The following PCDHA4 variants were observed in gnomAD, a reference collection of about 807,000 sequenced individuals.
The protein encoded by PCDHA4 is protocadherin alpha-4.
In PCDHA4, 49 loss-of-function variants were observed where a neutral mutation model predicts 61.4. That is an observed-to-expected ratio of 0.80 (90% confidence interval 0.63 to 1.01). The LOEUF (loss-of-function observed/expected upper bound fraction) is 1.01. PCDHA4 is among the 50% of genes least tolerant of loss of function. PCDHA4 has a pLI of 0.00. For missense variants in PCDHA4, 1,254 were observed against 1,235.8 expected (o/e 1.01, Z -0.22); for synonymous variants, 590 against 550.3 (o/e 1.07, Z -1.01).
chr5:140,993,446 TCTC>T (rs1262965335), intron 3 of PCDHA4, among the ~76,000 whole-genome samples: 4 of 146,376 alleles, frequency 2.7e-5, no homozygotes, highest in Non-Finnish European at 6.0e-5. Flanking sequence ...TCATTCCTGT[TCTC>T]CTTCTTTCTT....
At chr5:141,003,467 A>G (rs1262411574) in intron 3 of PCDHA4, among the ~76,000 whole-genome samples, 1 of 152,036 alleles carries the variant, frequency 6.6e-6, no homozygotes, top group Non-Finnish European at 1.5e-5. Context: ...GTGCACCACC[A>G]CAGTCTCGCT....
chr5:140,898,067 T>C (rs2066506598), intron 1 of PCDHA4, among the ~76,000 whole-genome samples: 1 of 152,122 alleles, frequency 6.6e-6, no homozygotes, highest in Admixed American at 6.5e-5. Context: ...TTGTTTGAGT[T>C]CATTGTAGAT....
chr5:140,922,098 A>G (rs1193331436), intron 1 of PCDHA4, among the ~76,000 whole-genome samples: 2 of 152,176 alleles, frequency 1.3e-5, no homozygotes, highest in Non-Finnish European at 2.9e-5. Context: ...TCTACCAACT[A>G]TAGATAAATG....
At chr5:140,881,563 T>C (rs894982822) in intron 1 of PCDHA4, among the ~76,000 whole-genome samples, 4 of 152,232 alleles carry the variant, frequency 2.6e-5, no homozygotes, top group Non-Finnish European at 5.9e-5. Flanking sequence ...AAATATCTTA[T>C]CTACATCTCA....
chr5:140,875,655 G>C, intron 1 of PCDHA4: 1 of 1,613,724 alleles, frequency 6.2e-7, no homozygotes, highest in Middle Eastern at 1.7e-4. Context: ...AGCTGGTGCC[G>C]CGCCTGTTCC....
chr5:140,874,557 G>T (rs782715249), intron 1 of PCDHA4, among the ~76,000 whole-genome samples: 3 of 152,146 alleles, frequency 2.0e-5, no homozygotes, highest in African/African-American at 7.2e-5. Flanking sequence ...GAGATCTTTC[G>T]CATTTTAGTG....
chr5:140,856,518 C>T, intron 1 of PCDHA4: 1 of 1,598,510 alleles, frequency 6.3e-7, no homozygotes, highest in Non-Finnish European at 8.6e-7. Flanking sequence ...GAAGGCGCAT[C>T]TGATGCGGAT....
In PCDHA4 at chr5:140,857,359, G is replaced by C. The variant is rs200721411; in HGVS notation, c.2385+47787G>C. 31 of 1,598,398 alleles carry C rather than the reference G, an allele frequency of 1.9e-5. 2 individuals carry two copies. In the African/African-American group the frequency reaches 2.4e-4, roughly 12 times the overall value. The stretch of plus-strand genomic sequence containing the variant: ...GGGGCTCGCCTCCGCTGTGGGCCAC[G>C]GCCAGCGTGTCTGTGGAGGTGGCCG... On this transcript the variant is annotated intron_variant, in intron 1 of 3. Transcript: ENST00000530339.
At chr5:140,829,399 G>A in intron 1 of PCDHA4, 2 of 1,614,074 alleles carry the variant, frequency 1.2e-6, no homozygotes, top group African/African-American at 1.3e-5. Context: ...CTTCGCTGTG[G>A]GCCACCGCCA....
At chr5:140,875,518 C>T in intron 1 of PCDHA4, 1 of 1,614,008 alleles carries the variant, frequency 6.2e-7, no homozygotes, top group Non-Finnish European at 8.5e-7. Flanking sequence ...GCGTCTGCTG[C>T]TCTCGCTTCT....
chr5:140,991,066 C>T (rs2097429810), intron 3 of PCDHA4, among the ~76,000 whole-genome samples: 2 of 152,122 alleles, frequency 1.3e-5, no homozygotes, highest in Non-Finnish European at 2.9e-5. Context: ...TTATTATTCC[C>T]ATGTTTCAGA....
Position 140,843,712 on chromosome 5 carries a change from C to G in PCDHA4, c.2385+34140C>G. ...AAGATTTAAATGTTGATCATGGCCT[C>G]AAAGTAAGTCCATTTAAATTTAGAA... On this transcript the variant is annotated intron_variant, in intron 1 of 3. Transcript: ENST00000530339. 3.2e-6 allele frequency: 5 copies of G among 1,569,886 alleles called. 1 individual carries two copies. Among genetic ancestry groups the G allele is most frequent in the Non-Finnish European group, 4.4e-6 (5 of 1,144,038 alleles).
rs781977975 is a variant in PCDHA4, at chr5:140,857,750, C to G, written c.2385+48178C>G. 1.9e-6 allele frequency: 3 copies of G among 1,597,316 alleles called. No homozygotes were observed. Among genetic ancestry groups the G allele is most frequent in the Non-Finnish European group, 1.7e-6 (2 of 1,167,614 alleles). On this transcript the variant is annotated intron_variant, in intron 1 of 3. Coordinates refer to ENST00000530339, the MANE Select transcript of PCDHA4 (RefSeq NM_018907.4). ...CAACGCTCCCGCGCTGCTGGCGTCT[C>G]CCGCTGGCAGCGCGGGCGGTGCAGT...
intron 1 of PCDHA4, chr5:140,851,052 C>A (rs571650734): frequency 1.4e-6 from 2 of 1,383,936 alleles, no homozygotes; most frequent in Admixed American, 2.8e-5. Context: ...CCGACTTTGT[C>A]TTGACTTCTA....
At chr5:140,873,489 C>G (rs2054319766) in intron 1 of PCDHA4, among the ~76,000 whole-genome samples, 1 of 152,054 alleles carries the variant, frequency 6.6e-6, no homozygotes, top group Admixed American at 6.6e-5. Context: ...CTGATTTCTG[C>G]AAAGTTGTGT....
At chr5:141,005,153 C>G (rs1408163088) in intron 3 of PCDHA4, among the ~76,000 whole-genome samples, 1 of 152,194 alleles carries the variant, frequency 6.6e-6, no homozygotes, top group East Asian at 1.9e-4. Flanking sequence ...GTTTGGTCTG[C>G]TAAAGAGTGG....
rs555838945 is a variant in PCDHA4, at chr5:140,927,094, G to A, written c.2386-51855G>A. On this transcript the variant is annotated intron_variant, in intron 1 of 3. Coordinates refer to ENST00000530339, the MANE Select transcript of PCDHA4 (RefSeq NM_018907.4). ...CAGCCACCGCGAGCTCTACTTCGGG[G>A]TGGATCTACCCAGCGGCAATTTGGT... 5 of 1,612,890 alleles carry A rather than the reference G, an allele frequency of 3.1e-6. No homozygotes were observed. In the Admixed American group the frequency reaches 8.3e-5, roughly 27 times the overall value.
chr5:140,811,048 G>T (rs1554125652), intron 1 of PCDHA4: 1 of 152,106 alleles, frequency 6.6e-6, no homozygotes, highest in African/African-American at 2.4e-5. Context: ...GGATACATGT[G>T]CACAACGTGC....
At chr5:140,921,832 A>G (rs1276240870) in intron 1 of PCDHA4, among the ~76,000 whole-genome samples, 1 of 152,120 alleles carries the variant, frequency 6.6e-6, no homozygotes, top group African/African-American at 2.4e-5. Flanking sequence ...CTATACACAT[A>G]TAGACATATT....
Sources: gnomAD v4.1 joint callset for allele counts (sites outside exome capture counted in the v4.1 genomes callset) on GRCh38, gnomAD v4.1.1 for gene constraint, MANE v1.5 for transcripts, NCBI Gene and HGNC (gene_info 2026-07-23, HGNC 2026-07-21) for gene names.